Variants in MSI2 observed in about 807,000 individuals in gnomAD.
MSI2 encodes musashi RNA binding protein 2.
In MSI2, 17 loss-of-function variants were observed where a neutral mutation model predicts 45.6. That is an observed-to-expected ratio of 0.37 (90% CI 0.26 to 0.56). The LOEUF is 0.56. Among genes scored for constraint, MSI2 ranks in the 20% least tolerant of loss-of-function variants. MSI2 has a pLI of 0.77. For synonymous variants in MSI2, 156 were observed against 158.2 expected (o/e 0.99, Z 0.11); for missense variants, 293 against 444.2 (o/e 0.66, Z 3.06).
At chr17:57,573,344 C>T (rs1220512028) in intron 7 of MSI2, among the ~76,000 whole-genome samples, 3 of 152,110 alleles carry the variant, frequency 2.0e-5, no homozygotes, top group African/African-American at 7.2e-5. Context: ...GCCAAGTGCC[C>T]TCCTACATTA....
chr17:57,636,352 A>C (rs1239237301), intron 10 of MSI2, among the ~76,000 whole-genome samples: 1 of 152,194 alleles, frequency 6.6e-6, no homozygotes, highest in African/African-American at 2.4e-5. Flanking sequence ...AAAACATTCA[A>C]AAATGCTGCA....
At chr17:57,286,130 T>C (rs1414246662) in intron 5 of MSI2, 1 of 637,198 alleles carries the variant, frequency 1.6e-6, no homozygotes, top group Non-Finnish European at 2.4e-6. Flanking sequence ...TAATTCCTTA[T>C]CTCATTTTTG....
At chr17:57,387,830 G>A (rs2083711485) in intron 5 of MSI2, among the ~76,000 whole-genome samples, 1 of 152,240 alleles carries the variant, frequency 6.6e-6, no homozygotes, top group Non-Finnish European at 1.5e-5. Flanking sequence ...GGGAAGGGAA[G>A]GTGGTGGGGA....
At chr17:57,440,029 T>C (rs1439344798) in intron 6 of MSI2, among the ~76,000 whole-genome samples, 5 of 152,230 alleles carry the variant, frequency 3.3e-5, no homozygotes, top group Admixed American at 2.0e-4. Context: ...CTGAGTGATC[T>C]ATCTCCACTG....
chr17:57,667,457 G>A (rs1912451405), intron 11 of MSI2, among the ~76,000 whole-genome samples: 1 of 152,162 alleles, frequency 6.6e-6, no homozygotes. Context: ...TCGAAGCCTG[G>A]TCTGGTGAAG....
At chr17:57,355,360 G>A (rs1410665127) in intron 5 of MSI2, among the ~76,000 whole-genome samples, 2 of 152,206 alleles carry the variant, frequency 1.3e-5, no homozygotes, top group Admixed American at 6.5e-5. Flanking sequence ...TTAGGTCACA[G>A]GTCCAGCCCT....
intron 13 of MSI2, among the ~76,000 whole-genome samples, chr17:57,678,199 T>C (rs1185102773): frequency 6.6e-6 from 1 of 152,230 alleles, no homozygotes; most frequent in Non-Finnish European, 1.5e-5. Flanking sequence ...TTGAGCTCCA[T>C]AAATCTCTTG....
rs193091193 is a variant in MSI2, at chr17:57,538,368, G to A, written c.454+8644G>A. The stretch of plus-strand genomic sequence containing the variant: ...TCAGTTTGTGGATCAGAGGGTGTAC[G>A]CTATCCCATCTGTATCTGTATATCA... On this transcript the variant is annotated intron_variant, in intron 7 of 13. Coordinates refer to ENST00000284073, the MANE Select transcript of MSI2 (RefSeq NM_138962.4). 4.6e-3 allele frequency among the ~76,000 whole-genome samples: 698 copies of A among 152,236 alleles called. 8 individuals carry two copies. Among genetic ancestry groups the A allele is most frequent in the Middle Eastern group, 0.017 (5 of 294 alleles).
intron 6 of MSI2, among the ~76,000 whole-genome samples, chr17:57,467,587 G>A (rs1416753805): frequency 6.6e-6 from 1 of 152,138 alleles, no homozygotes. Context: ...TGGATAGATG[G>A]AAGGAAGGAA....
rs375626998 is a variant in MSI2, at chr17:57,680,452, G to C, written c.*935G>C. 1 of 229,480 alleles carries C rather than the reference G, an allele frequency of 4.4e-6. No homozygotes were observed. Among genetic ancestry groups the C allele is most frequent in the Non-Finnish European group, 8.6e-6 (1 of 115,718 alleles). The allele number at this position is 229,480 out of a possible 1,614,324, so 14.2% of individuals were successfully genotyped here. Reference sequence around the variant, plus strand: ...CAGGCAGTTTGATGCTCTGTGGAAGGAGGCGGGAAGGGAACGTTGGCCAAG... The same window carrying C: ...CAGGCAGTTTGATGCTCTGTGGAAGCAGGCGGGAAGGGAACGTTGGCCAAG... On this transcript the variant is annotated 3_prime_UTR_variant, in exon 14 of 14. Coordinates refer to ENST00000284073, the MANE Select transcript of MSI2 (RefSeq NM_138962.4).
chr17:57,256,969 C>G (rs917395441), intron 1 of MSI2, 129 bp from the exon 2 acceptor site: 1 of 1,465,758 alleles, frequency 6.8e-7, no homozygotes, highest in African/African-American at 1.5e-5. Flanking sequence ...CCGTCACCTT[C>G]TCCCCCACCC....
At chr17:57,335,627 C>G (rs1914638948) in intron 5 of MSI2, among the ~76,000 whole-genome samples, 1 of 152,190 alleles carries the variant, frequency 6.6e-6, no homozygotes, top group Admixed American at 6.5e-5. Flanking sequence ...GGGGATGGAG[C>G]AGTGAACTTA....
At chr17:57,649,543 C>T (rs1910971367) in intron 10 of MSI2, among the ~76,000 whole-genome samples, 1 of 151,984 alleles carries the variant, frequency 6.6e-6, no homozygotes, top group African/African-American at 2.4e-5. Context: ...ACACTTAACA[C>T]ATACCCAACA....
intron 10 of MSI2, among the ~76,000 whole-genome samples, chr17:57,636,178 G>T (rs979102383): frequency 6.6e-6 from 1 of 152,214 alleles, no homozygotes; most frequent in Admixed American, 6.5e-5. Context: ...TGAGGGGTAG[G>T]GCTTGGATGT....
intron 5 of MSI2, among the ~76,000 whole-genome samples, chr17:57,302,881 T>C (rs956591001): frequency 2.0e-5 from 3 of 152,176 alleles, no homozygotes; most frequent in African/African-American, 7.2e-5. Context: ...GGAGTGGCTT[T>C]GGGGAGGAGT....
At chr17:57,640,378 T>C (rs1910157959) in intron 10 of MSI2, among the ~76,000 whole-genome samples, 1 of 152,236 alleles carries the variant, frequency 6.6e-6, no homozygotes, top group African/African-American at 2.4e-5. Context: ...TAAAGCCCTT[T>C]GGATGTGAAA....
At chr17:57,371,797 C>G (rs1021283151) in intron 5 of MSI2, among the ~76,000 whole-genome samples, 1 of 151,664 alleles carries the variant, frequency 6.6e-6, no homozygotes, top group Non-Finnish European at 1.5e-5. Flanking sequence ...TGATCACTTC[C>G]TTAATATGTT....
intron 6 of MSI2, among the ~76,000 whole-genome samples, chr17:57,405,023 G>C (rs143658227): frequency 6.6e-6 from 1 of 152,172 alleles, no homozygotes; most frequent in Non-Finnish European, 1.5e-5. Context: ...CTACCCAGGG[G>C]TGAAGATGGC....
intron 6 of MSI2, among the ~76,000 whole-genome samples, chr17:57,467,899 A>G (rs946122086): frequency 2.4e-5 from 3 of 126,342 alleles, no homozygotes; most frequent in Non-Finnish European, 4.8e-5. Context: ...GGACCTGCAC[A>G]CTGACAGTCT....
Sources: allele counts gnomAD v4.1 joint callset (sites outside exome capture counted in the v4.1 genomes callset), GRCh38; gene constraint gnomAD v4.1.1; transcripts MANE v1.5; gene names NCBI Gene and HGNC (gene_info 2026-07-23, HGNC 2026-07-21).